Variants in SPAG16 observed in about 807,000 individuals in gnomAD.
SPAG16 encodes the protein sperm associated antigen 16.
A neutral mutation model predicts 80.4 loss-of-function variants in SPAG16; 86 were observed. The observed-to-expected ratio is 1.07, with a 90% CI of 0.90 to 1.28. The LOEUF is 1.28. Among genes scored for constraint, SPAG16 ranks in the 50% most tolerant of loss-of-function variants. The pLI, the probability that SPAG16 is intolerant of heterozygous loss-of-function variation, is 0.00. For missense variants in SPAG16, 870 were observed against 765.3 expected, an observed-to-expected ratio of 1.14 and a Z score of -1.61; for synonymous variants, 294 against 265.9, an observed-to-expected ratio of 1.11 and a Z score of -1.03.
chr2:214,009,786 A>G (rs1032368000), intron 12 of SPAG16, among the ~76,000 whole-genome samples: 1 of 152,184 alleles, frequency 6.6e-6, no homozygotes, highest in Non-Finnish European at 1.5e-5. Context: ...ACAAATCTGA[A>G]TAGAAGTCAG....
At chr2:213,972,477 G>A (rs910149905) in intron 12 of SPAG16, among the ~76,000 whole-genome samples, 2 of 152,096 alleles carry the variant, frequency 1.3e-5, no homozygotes, top group African/African-American at 4.8e-5. Context: ...AGGAGAAGGT[G>A]GATGTCCCAG....
At chr2:213,960,385 CTGTT>C (rs1014578523) in intron 12 of SPAG16, among the ~76,000 whole-genome samples, 7 of 151,598 alleles carry the variant, frequency 4.6e-5, no homozygotes, top group East Asian at 1.9e-4. Flanking sequence ...GGGACAATTT[CTGTT>C]TGTTTGTTTT....
intron 15 of SPAG16, among the ~76,000 whole-genome samples, chr2:214,212,977 A>C (rs2058336051): frequency 6.6e-6 from 1 of 152,196 alleles, no homozygotes; most frequent in East Asian, 1.9e-4. Flanking sequence ...CATTATTGTC[A>C]ATATAATCAA....
chr2:214,301,652 T>C (rs1694561242), intron 15 of SPAG16, among the ~76,000 whole-genome samples: 1 of 152,154 alleles, frequency 6.6e-6, no homozygotes, highest in South Asian at 2.1e-4. Flanking sequence ...TCTGATTATA[T>C]TTATTAGAAT....
At chr2:213,959,989 C>T (rs1480367327) in intron 12 of SPAG16, among the ~76,000 whole-genome samples, 3 of 152,186 alleles carry the variant, frequency 2.0e-5, no homozygotes, top group Non-Finnish European at 4.4e-5. Context: ...TACCCTTTCT[C>T]TCTCTCTTTT....
At chr2:213,785,423 A>G (rs1028876074) in intron 10 of SPAG16, among the ~76,000 whole-genome samples, 1 of 152,210 alleles carries the variant, frequency 6.6e-6, no homozygotes, top group Admixed American at 6.5e-5. Flanking sequence ...TACACCAAAA[A>G]TATTCATTTC....
intron 3 of SPAG16, among the ~76,000 whole-genome samples, chr2:213,302,130 G>T (rs745593174): frequency 4.6e-5 from 7 of 152,224 alleles, no homozygotes; most frequent in South Asian, 2.1e-4. Context: ...AGCTACCATT[G>T]TTTGTCCTCA....
intron 10 of SPAG16, among the ~76,000 whole-genome samples, chr2:213,705,794 TGTTG>T (rs1559394279): frequency 1.5e-5 from 2 of 133,530 alleles, no homozygotes; most frequent in African/African-American, 8.0e-5. Flanking sequence ...GGTTTGTTGT[TGTTG>T]TTGTTGTTGT....
intron 10 of SPAG16, among the ~76,000 whole-genome samples, chr2:213,645,972 G>T (rs930153913): frequency 4.6e-5 from 7 of 152,160 alleles, no homozygotes; most frequent in African/African-American, 1.4e-4. Flanking sequence ...TGGTTTAAAG[G>T]TTCCCTCAGT....
intron 15 of SPAG16, among the ~76,000 whole-genome samples, chr2:214,163,538 A>ATG (rs147445137): frequency 7.6e-4 from 113 of 148,674 alleles, no homozygotes; most frequent in South Asian, 7.4e-3. Context: ...GTATGTATAT[A>ATG]TGTGTGTGTG....
intron 12 of SPAG16, among the ~76,000 whole-genome samples, chr2:213,952,008 G>A (rs537864565): frequency 2.4e-4 from 36 of 152,094 alleles, no homozygotes; most frequent in Non-Finnish European, 4.3e-4. Flanking sequence ...TCATAGAGTG[G>A]CTTTCATGAT....
chr2:214,376,052 T>G (rs1022986635), intron 15 of SPAG16, among the ~76,000 whole-genome samples: 6 of 152,082 alleles, frequency 3.9e-5, no homozygotes, highest in Admixed American at 3.9e-4. Flanking sequence ...CAGTAGCATA[T>G]GGGTGATTTT....
chr2:213,573,617 G>A (rs1034923818), intron 10 of SPAG16, among the ~76,000 whole-genome samples: 1 of 152,020 alleles, frequency 6.6e-6, no homozygotes, highest in Non-Finnish European at 1.5e-5. Context: ...ATTGCTTTAG[G>A]AATTTCCTTT....
intron 15 of SPAG16, among the ~76,000 whole-genome samples, chr2:214,195,048 C>T (rs2057784197): frequency 6.6e-6 from 1 of 151,922 alleles, no homozygotes; most frequent in Non-Finnish European, 1.5e-5. Context: ...TTTTGAATTA[C>T]ATGAATGAAA....
intron 1 of SPAG16, 25 bp from the exon 2 acceptor site, chr2:213,296,039 G>A: frequency 6.3e-7 from 1 of 1,598,620 alleles, no homozygotes. Context: ...TATTTTTTGA[G>A]ATTAAAACTT....
intron 15 of SPAG16, among the ~76,000 whole-genome samples, chr2:214,272,310 T>C (rs1692090423): frequency 6.6e-6 from 1 of 152,170 alleles, no homozygotes; most frequent in South Asian, 2.1e-4. Context: ...TTTTTTTTTA[T>C]TATACTTTAA....
intron 10 of SPAG16, among the ~76,000 whole-genome samples, chr2:213,706,850 G>C (rs2065777403): frequency 6.6e-6 from 1 of 152,144 alleles, no homozygotes; most frequent in Non-Finnish European, 1.5e-5. Context: ...ATATTTGAAG[G>C]CTTGACTGAA....
At chr2:213,732,997 G>A (rs1234485051) in intron 10 of SPAG16, among the ~76,000 whole-genome samples, 1 of 152,186 alleles carries the variant, frequency 6.6e-6, no homozygotes, top group Non-Finnish European at 1.5e-5. Flanking sequence ...CCCACCAACA[G>A]TGTAAGAGTT....
chr2:214,048,112 C>T (rs1480504755), intron 13 of SPAG16, among the ~76,000 whole-genome samples: 1 of 152,118 alleles, frequency 6.6e-6, no homozygotes, highest in Non-Finnish European at 1.5e-5. Context: ...ATTAATACAA[C>T]CGCTATAGAG....
Sources: allele counts gnomAD v4.1 joint callset (sites outside exome capture counted in the v4.1 genomes callset), GRCh38; gene constraint gnomAD v4.1.1; transcripts MANE v1.5; gene names NCBI Gene and HGNC (gene_info 2026-07-23, HGNC 2026-07-21).